Variants in AP4E1 observed in about 807,000 individuals in gnomAD.
AP4E1 encodes adaptor related protein complex 4 subunit epsilon 1.
In AP4E1, 56 loss-of-function variants were observed where a neutral mutation model predicts 128.2. The ratio of observed to expected loss-of-function variants is 0.44; its 90% CI spans 0.35 to 0.55. The LOEUF (loss-of-function observed/expected upper bound fraction) is 0.55. Among genes scored for constraint, AP4E1 ranks in the 20% least tolerant of loss-of-function variants. The pLI, the probability that AP4E1 is intolerant of heterozygous loss-of-function variation, is 0.00. For missense variants in AP4E1, 1,324 were observed against 1,307.7 expected (o/e 1.01, Z -0.19); for synonymous variants, 484 against 473.1 (o/e 1.02, Z -0.30).
chr15:50,927,599 G>T (rs1248831863), intron 5 of AP4E1, among the ~76,000 whole-genome samples: 1 of 150,022 alleles, frequency 6.7e-6, no homozygotes, highest in Non-Finnish European at 1.5e-5. Flanking sequence ...AATACACTGT[G>T]ACGTGGCTTG....
chr15:50,938,197 C>T (rs963850372), intron 8 of AP4E1, among the ~76,000 whole-genome samples: 4 of 151,862 alleles, frequency 2.6e-5, no homozygotes, highest in African/African-American at 4.8e-5. Flanking sequence ...CTTTTTGCCT[C>T]GGGTACCCCA....
intron 18 of AP4E1, among the ~76,000 whole-genome samples, chr15:50,998,752 T>C (rs2064916614): frequency 6.6e-6 from 1 of 152,202 alleles, no homozygotes; most frequent in Non-Finnish European, 1.5e-5. Context: ...TTTGTATTTA[T>C]ATTTATATTT....
upstream of AP4E1, among the ~76,000 whole-genome samples, chr15:50,907,613 CCTA>C (rs980388019): frequency 6.6e-6 from 1 of 152,134 alleles, no homozygotes; most frequent in African/African-American, 2.4e-5. Flanking sequence ...ATGCCCTAAA[CCTA>C]CTACCTTAGA....
chr15:50,994,348 A>C (rs2064843400), intron 17 of AP4E1, among the ~76,000 whole-genome samples: 1 of 152,074 alleles, frequency 6.6e-6, no homozygotes. Flanking sequence ...TAATGAACCC[A>C]CCTTGTACAA....
At chr15:50,923,536 G>A (rs948155159) in intron 3 of AP4E1, among the ~76,000 whole-genome samples, 2 of 151,452 alleles carry the variant, frequency 1.3e-5, no homozygotes, top group African/African-American at 4.9e-5. Context: ...TAGTGATTAG[G>A]GTTTTTTTTA....
intron 10 of AP4E1, 103 bp downstream of exon 10, chr15:50,941,878 C>A: frequency 1.2e-6 from 1 of 820,216 alleles, no homozygotes; most frequent in Non-Finnish European, 2.0e-6. Context: ...TGTATGTTTG[C>A]TCGTGTGTAT....
intron 16 of AP4E1, among the ~76,000 whole-genome samples, chr15:50,984,795 T>C (rs1353491170): frequency 6.6e-6 from 1 of 152,200 alleles, no homozygotes; most frequent in East Asian, 1.9e-4. Context: ...TATAGCAGCA[T>C]GATTTATACT....
intron 14 of AP4E1, among the ~76,000 whole-genome samples, chr15:50,967,784 T>C (rs1438468337): frequency 2.6e-5 from 4 of 152,222 alleles, no homozygotes; most frequent in Non-Finnish European, 5.9e-5. Context: ...TTATAGATGT[T>C]TCAGAAAGCT....
rs565619569 is a variant in AP4E1 at position 50,968,441 on chromosome 15, T to C, written c.1966+64T>C. 2.3e-5 allele frequency: 25 copies of C among 1,105,840 alleles called. No homozygotes were observed. The African/African-American group carries it at 2.8e-4, about 12-fold the overall frequency. 68.5% of individuals were successfully genotyped at this position (1,105,840 alleles called of 1,614,324 possible). Reference sequence around the variant, plus strand: ...GATGTAATTTTTGATATTATAGTCATGTAAGTAAATAAATAAAGATATTTA... The same window carrying C: ...GATGTAATTTTTGATATTATAGTCACGTAAGTAAATAAATAAAGATATTTA... On this transcript the variant is annotated intron_variant, in intron 15 of 20. Transcript: ENST00000261842.
intron 13 of AP4E1, among the ~76,000 whole-genome samples, chr15:50,954,076 A>T (rs1340390411): frequency 6.6e-6 from 1 of 152,214 alleles, no homozygotes; most frequent in Non-Finnish European, 1.5e-5. Context: ...ATATACAAAT[A>T]CAATAGATTT....
At chr15:50,973,256 G>T (rs904084002) in intron 15 of AP4E1, among the ~76,000 whole-genome samples, 1 of 152,082 alleles carries the variant, frequency 6.6e-6, no homozygotes, top group African/African-American at 2.4e-5. Flanking sequence ...CAGGCTGTGT[G>T]CTAGGCATAT....
intron 8 of AP4E1, among the ~76,000 whole-genome samples, chr15:50,940,905 T>A (rs962609666): frequency 6.6e-6 from 1 of 152,182 alleles, no homozygotes; most frequent in African/African-American, 2.4e-5. Flanking sequence ...GAGTAGGGAC[T>A]GTATCTTTGA....
chr15:50,921,348 A>G (rs913747467), intron 3 of AP4E1, among the ~76,000 whole-genome samples: 12 of 149,298 alleles, frequency 8.0e-5, no homozygotes, highest in African/African-American at 3.0e-4. Flanking sequence ...TCTTCATTTT[A>G]CCTTTTCTTT....
In AP4E1 at chr15:50,908,902, G is replaced by A; in HGVS notation, c.124G>A (p.Gly42Ser). The A allele has an allele frequency of 6.2e-7, 1 of 1,610,822 alleles. No individual in the cohort carries two copies. Among genetic ancestry groups the A allele is most frequent in the Non-Finnish European group, 8.5e-7 (1 of 1,179,422 alleles). Residue 42 changes from glycine to serine, a missense_variant, in exon 1 of 21, where the codon GGC (glycine) becomes AGC (serine). Physicochemically the swap from Gly to Ser is moderately conservative, Grantham distance 56. Transcript: ENST00000261842. ...FSSRLGSLVR[G>S]ITALTSKHEE... ...CTCGAGGCTGGGCAGCCTTGTCCGCGGCATCACAGCCCTCACCTCCAAGCA... is the reference window on the plus strand; with the variant it reads ...CTCGAGGCTGGGCAGCCTTGTCCGCAGCATCACAGCCCTCACCTCCAAGCA...
chr15:50,984,276 G>A, intron 16 of AP4E1, 131 bp downstream of exon 16: 1 of 1,133,212 alleles, frequency 8.8e-7, no homozygotes, highest in Non-Finnish European at 1.3e-6. Flanking sequence ...CTTTCAAGAG[G>A]TCTATTGTTT....
In AP4E1 at chr15:51,002,941, G is replaced by A; in HGVS notation, c.*279G>A. 3.2e-6 allele frequency: 1 copy of A among 309,722 alleles called. No homozygotes were observed. The highest frequency in any genetic ancestry group is 6.1e-6 in the Non-Finnish European group (1 of 165,178). 19.2% of individuals were successfully genotyped at this position (309,722 alleles called of 1,614,324 possible). On this transcript the variant is annotated 3_prime_UTR_variant, in exon 21 of 21. Coordinates refer to ENST00000261842, the MANE Select transcript of AP4E1 (RefSeq NM_007347.5). ...TTTATATATCACTTAGTGTGTAGAG[G>A]GACTGAAAATATTTATTTTGTTATA...
intron 4 of AP4E1, 76 bp downstream of exon 4, chr15:50,924,080 A>G: frequency 8.1e-7 from 1 of 1,228,320 alleles, no homozygotes; most frequent in Non-Finnish European, 1.2e-6. Flanking sequence ...ATCATATTCA[A>G]CTAGATGAGA....
At chr15:50,937,340 T>C (rs1422332438) in intron 8 of AP4E1, among the ~76,000 whole-genome samples, 2 of 152,228 alleles carry the variant, frequency 1.3e-5, no homozygotes, top group Non-Finnish European at 2.9e-5. Flanking sequence ...TGGGTTTCAG[T>C]ATTAGTACTT....
At chr15:50,934,857 TGATA>T (rs2063886405) in intron 8 of AP4E1, among the ~76,000 whole-genome samples, 160 bp downstream of exon 8, 1 of 152,140 alleles carries the variant, frequency 6.6e-6, no homozygotes, top group African/African-American at 2.4e-5. Context: ...ATTTAATTAC[TGATA>T]GATAAGAGTA....
Sources: gnomAD v4.1 joint callset for allele counts (sites outside exome capture counted in the v4.1 genomes callset) on GRCh38, gnomAD v4.1.1 for gene constraint, MANE v1.5 for transcripts, NCBI Gene and HGNC (gene_info 2026-07-23, HGNC 2026-07-21) for gene names.